MTHFD2L: variants seen among roughly 807,000 people sequenced by gnomAD.
MTHFD2L encodes the protein methylenetetrahydrofolate dehydrogenase (NADP+ dependent) 2 like, also known as bifunctional methylenetetrahydrofolate dehydrogenase/cyclohydrolase 2, mitochondrial.
A neutral mutation model predicts 34.9 loss-of-function variants in MTHFD2L; 29 were observed. That is an observed-to-expected ratio of 0.83 (90% confidence interval 0.62 to 1.13). MTHFD2L has a LOEUF of 1.13. Among genes scored for constraint, MTHFD2L ranks in the 50% most tolerant of loss-of-function variants. MTHFD2L has a pLI of 0.00. For missense variants in MTHFD2L, 481 were observed against 446.5 expected (o/e 1.08, Z -0.70); for synonymous variants, 167 against 155.7 (o/e 1.07, Z -0.54).
At chr4:74,239,452 T>C (rs1461384613) in intron 6 of MTHFD2L, among the ~76,000 whole-genome samples, 6 of 150,912 alleles carry the variant, frequency 4.0e-5, no homozygotes, top group Non-Finnish European at 8.8e-5. Context: ...CAAACCTGCA[T>C]ATTGTGCACA....
At chr4:74,278,289 C>T (rs953120947) in intron 6 of MTHFD2L, among the ~76,000 whole-genome samples, 9 of 152,046 alleles carry the variant, frequency 5.9e-5, no homozygotes, top group Non-Finnish European at 1.2e-4. Context: ...TATCTGGAGA[C>T]CATCTTAGTT....
Position 74,273,100 on chromosome 4 carries a change from G to A in MTHFD2L, c.806-8325G>A, listed in dbSNP as rs182450442. Among the ~76,000 whole-genome samples, 6 of 152,280 alleles carry A rather than the reference G, an allele frequency of 3.9e-5. No homozygotes were observed. The East Asian group carries it at 1.2e-3, about 29-fold the overall frequency. Reference sequence around the variant, plus strand: ...GAAGTAATAGATATCGATTTGAGGAGTATGGGTTTTACATTCCTAAAACTA... The same window carrying A: ...GAAGTAATAGATATCGATTTGAGGAATATGGGTTTTACATTCCTAAAACTA... On this transcript the variant is annotated intron_variant, in intron 6 of 7. Transcript: ENST00000325278.
intron 1 of MTHFD2L, among the ~76,000 whole-genome samples, chr4:74,137,101 C>G (rs1722986078): frequency 6.6e-6 from 1 of 151,932 alleles, no homozygotes; most frequent in South Asian, 2.1e-4. Context: ...GCAACCAAAG[C>G]AAAAATAGAC....
At chr4:74,197,214 T>G (rs1304243649) in intron 3 of MTHFD2L, among the ~76,000 whole-genome samples, 1 of 152,208 alleles carries the variant, frequency 6.6e-6, no homozygotes, top group Non-Finnish European at 1.5e-5. Context: ...GAATCAAACA[T>G]GTTGTATAAC....
intron 7 of MTHFD2L, among the ~76,000 whole-genome samples, chr4:74,282,401 G>A (rs184769664): frequency 9.1e-5 from 13 of 142,374 alleles, no homozygotes; most frequent in Non-Finnish European, 1.3e-4. Flanking sequence ...GTTAGTTATA[G>A]GTGTGTCCTT....
At position 74,129,061 on chromosome 4, in the gene MTHFD2L, A is replaced by G. The variant is rs1722280680; in HGVS notation, c.-297+3544A>G. 2.6e-5 allele frequency among the ~76,000 whole-genome samples: 4 copies of G among 152,140 alleles called. No homozygotes were observed. In the South Asian group the frequency reaches 8.3e-4, roughly 32 times the overall value. ...ATTGTTTTTTTATTTTTACTGTAATATTATAGGTTTTTGCATTGTGGTTAC... is the reference window on the plus strand; with the variant it reads ...ATTGTTTTTTTATTTTTACTGTAATGTTATAGGTTTTTGCATTGTGGTTAC... On this transcript the variant is annotated intron_variant, in intron 1 of 7. Transcript: ENST00000433372.
intron 6 of MTHFD2L, among the ~76,000 whole-genome samples, chr4:74,249,492 A>C (rs1035354301): frequency 6.6e-6 from 1 of 151,714 alleles, no homozygotes; most frequent in Non-Finnish European, 1.5e-5. Flanking sequence ...TTTAAAGTTA[A>C]TATTGTTATG....
Position 74,301,911 on chromosome 4 carries a change from T to C in MTHFD2L, c.*102T>C, listed in dbSNP as rs1186573934. 1.8e-6 allele frequency: 1 copy of C among 544,084 alleles called. No homozygotes were observed. Among genetic ancestry groups the C allele is most frequent in the African/African-American group, 2.0e-5 (1 of 50,788 alleles). The allele number at this position is 544,084 out of a possible 1,614,324, so 33.7% of individuals were successfully genotyped here. A position where few individuals can be genotyped will look rare whatever the true frequency, so the allele number is the denominator to read the frequency against. ...TACAAAGCTATTTATTTCTACATGG[T>C]ATTTATTTTTTCATGGGTGAAATCA... On this transcript the variant is annotated 3_prime_UTR_variant, in exon 8 of 8. Coordinates refer to ENST00000325278, the MANE Select transcript of MTHFD2L (RefSeq NM_001144978.3).
At chr4:74,131,850 T>C (rs1054587747) in intron 1 of MTHFD2L, among the ~76,000 whole-genome samples, 79 of 152,156 alleles carry the variant, frequency 5.2e-4, no homozygotes, top group African/African-American at 1.9e-3. Flanking sequence ...AAAGGGCTAA[T>C]ATCCAGGATC....
intron 7 of MTHFD2L, among the ~76,000 whole-genome samples, chr4:74,283,650 T>C (rs538204176): frequency 1.2e-4 from 19 of 152,278 alleles, no homozygotes; most frequent in African/African-American, 4.6e-4. Flanking sequence ...CAAATGATCG[T>C]GTAAAAGCAC....
At chr4:74,205,013 T>A (rs957490739) in intron 5 of MTHFD2L, among the ~76,000 whole-genome samples, 5 of 152,216 alleles carry the variant, frequency 3.3e-5, no homozygotes, top group African/African-American at 1.2e-4. Flanking sequence ...TAATACTGGT[T>A]ACTTAGAAAC....
intron 5 of MTHFD2L, among the ~76,000 whole-genome samples, chr4:74,224,774 T>G (rs2110120520): frequency 6.6e-6 from 1 of 152,256 alleles, no homozygotes; most frequent in Non-Finnish European, 1.5e-5. Context: ...TAGCTTGGAA[T>G]GCCTTTTTCT....
intron 6 of MTHFD2L, among the ~76,000 whole-genome samples, chr4:74,248,459 G>GT (rs770218758): frequency 2.6e-4 from 39 of 151,446 alleles, no homozygotes; most frequent in Non-Finnish European, 3.8e-4. Flanking sequence ...TTTTTGAAGG[G>GT]TTTTTTGTGT....
intron 6 of MTHFD2L, among the ~76,000 whole-genome samples, chr4:74,263,597 G>A (rs369078756): frequency 1.4e-4 from 21 of 152,028 alleles, no homozygotes; most frequent in East Asian, 9.7e-4. Flanking sequence ...TGTGGTAATT[G>A]TGAATGGGAG....
At chr4:74,121,226 G>C (rs540756061), upstream of MTHFD2L, among the ~76,000 whole-genome samples, 1 of 152,266 alleles carries the variant, frequency 6.6e-6, no homozygotes, top group Admixed American at 6.5e-5. Context: ...TAAGCCAAGT[G>C]AACTGACTTT....
intron 6 of MTHFD2L, 80 bp downstream of exon 6, chr4:74,225,474 C>T (rs915973202): frequency 8.6e-7 from 1 of 1,168,156 alleles, no homozygotes; most frequent in Non-Finnish European, 1.3e-6. Context: ...TGTTTGAAAG[C>T]TTTTTGAGAG....
intron 5 of MTHFD2L, among the ~76,000 whole-genome samples, chr4:74,210,867 C>T (rs1049094463): frequency 6.6e-6 from 1 of 152,078 alleles, no homozygotes; most frequent in Non-Finnish European, 1.5e-5. Flanking sequence ...TTTCCTTGAG[C>T]AGTGGTTTGT....
intron 6 of MTHFD2L, among the ~76,000 whole-genome samples, chr4:74,274,357 C>A (rs1005630108): frequency 6.6e-6 from 1 of 152,020 alleles, no homozygotes; most frequent in Non-Finnish European, 1.5e-5. Flanking sequence ...TCATAGAAGA[C>A]AAAATAAATG....
At chr4:74,140,127 G>A (rs1353505525) in intron 1 of MTHFD2L, among the ~76,000 whole-genome samples, 2 of 151,768 alleles carry the variant, frequency 1.3e-5, no homozygotes, top group Non-Finnish European at 2.9e-5. Flanking sequence ...ACCAGCCTGG[G>A]CAACATCTAC....
Sources: gnomAD v4.1 joint callset for allele counts (sites outside exome capture counted in the v4.1 genomes callset) on GRCh38, gnomAD v4.1.1 for gene constraint, MANE v1.5 for transcripts, NCBI Gene and HGNC (gene_info 2026-07-23, HGNC 2026-07-21) for gene names.